SLC41A2: variants seen among roughly 807,000 people sequenced by gnomAD.
The protein encoded by SLC41A2 is SLC41A1-like 1.
A neutral mutation model predicts 58.3 loss-of-function variants in SLC41A2; 32 were observed. The observed-to-expected ratio is 0.55, with a 90% CI of 0.41 to 0.74. The LOEUF (loss-of-function observed/expected upper bound fraction) is 0.74. Ranked by LOEUF, SLC41A2 falls within the 30% of genes least tolerant of loss-of-function variation. The pLI is 0.00. For missense variants in SLC41A2, 514 were observed against 680.6 expected, an observed-to-expected ratio of 0.76 and a Z score of 2.72; for synonymous variants, 190 against 235.0, an observed-to-expected ratio of 0.81 and a Z score of 1.75.
At chr12:104,857,350 T>C (rs1010523486) in intron 8 of SLC41A2, among the ~76,000 whole-genome samples, 23 of 152,148 alleles carry the variant, frequency 1.5e-4, no homozygotes, top group African/African-American at 5.6e-4. Context: ...ATAAAGGCTT[T>C]AAGAAATCCC....
intron 10 of SLC41A2, among the ~76,000 whole-genome samples, chr12:104,821,072 A>C (rs1334256626): frequency 1.3e-5 from 2 of 152,180 alleles, no homozygotes; most frequent in Non-Finnish European, 2.9e-5. Context: ...CAATGTGTAC[A>C]GTTTCTGTGA....
chr12:104,882,198 A>G (rs1242106915), intron 6 of SLC41A2, among the ~76,000 whole-genome samples: 1 of 150,958 alleles, frequency 6.6e-6, no homozygotes, highest in Non-Finnish European at 1.5e-5. Context: ...CTTTATTTTG[A>G]GCCTATGCAT....
At chr12:104,957,687 A>C (rs77031702) in intron 1 of SLC41A2, among the ~76,000 whole-genome samples, 6,199 of 152,324 alleles carry the variant, frequency 0.041, 177 homozygotes, top group East Asian at 0.11. Flanking sequence ...ATGAAAGAAA[A>C]GGGTGACGGG....
At position 104,861,472 on chromosome 12, in the gene SLC41A2, A is replaced by G. The variant is rs935612890; in HGVS notation, c.1176-102T>C. 11 of 600,776 alleles carry G rather than the reference A, an allele frequency of 1.8e-5. No individual in the cohort carries two copies. In the Admixed American group the frequency reaches 3.5e-4, roughly 19 times the overall value. The allele number at this position is 600,776 out of a possible 1,614,324, so 37.2% of individuals were successfully genotyped here. A position where few individuals can be genotyped will look rare whatever the true frequency, so the allele number is the denominator to read the frequency against. On this transcript the variant is annotated intron_variant, in intron 7 of 10. Coordinates refer to ENST00000258538, the MANE Select transcript of SLC41A2 (RefSeq NM_001352171.3). ...CCCTCCTTTTTAAAATAAAATATTC[A>G]CACATTTTAAAAATAGAGCAAAAAT...
intron 6 of SLC41A2, among the ~76,000 whole-genome samples, chr12:104,882,304 T>C (rs554141883): frequency 2.2e-4 from 33 of 152,314 alleles, no homozygotes; most frequent in Non-Finnish European, 4.6e-4. Flanking sequence ...ATTGGGGCAT[T>C]TAGTCCATTT....
chr12:104,906,465 G>A (rs1028161005), intron 3 of SLC41A2, among the ~76,000 whole-genome samples: 2 of 152,114 alleles, frequency 1.3e-5, no homozygotes, highest in African/African-American at 4.8e-5. Context: ...GGGAATTGGG[G>A]CAGGCCTCAG....
At chr12:104,906,916 C>T (rs994007016) in intron 3 of SLC41A2, among the ~76,000 whole-genome samples, 10 of 152,090 alleles carry the variant, frequency 6.6e-5, no homozygotes, top group African/African-American at 2.4e-4. Flanking sequence ...TTACATATAC[C>T]TCCTCAGAGA....
At chr12:104,948,428 C>T (rs2047817610) in intron 1 of SLC41A2, among the ~76,000 whole-genome samples, 1 of 152,052 alleles carries the variant, frequency 6.6e-6, no homozygotes, top group South Asian at 2.1e-4. Flanking sequence ...GGAGATCACC[C>T]ATTCTATCTA....
At chr12:104,837,743 T>C (rs2642119) in intron 10 of SLC41A2, among the ~76,000 whole-genome samples, 74,377 of 151,826 alleles carry the variant, frequency 0.49, 19,029 homozygotes, top group Middle Eastern at 0.57. Context: ...AAGAAAAAAA[T>C]GAGGCCCGTG....
intron 6 of SLC41A2, among the ~76,000 whole-genome samples, chr12:104,885,858 T>C (rs2044632281): frequency 6.6e-6 from 1 of 152,112 alleles, no homozygotes; most frequent in African/African-American, 2.4e-5. Context: ...AACATTCCAT[T>C]GGTAAATTTT....
intron 6 of SLC41A2, among the ~76,000 whole-genome samples, chr12:104,883,847 G>C (rs2044513420): frequency 6.6e-6 from 1 of 152,230 alleles, no homozygotes; most frequent in African/African-American, 2.4e-5. Flanking sequence ...CAAACTCCGT[G>C]CTGGGAGAAC....
Position 104,822,109 on chromosome 12 carries a change from T to C in SLC41A2, c.1537-16772A>G, listed in dbSNP as rs545882900. Among the ~76,000 whole-genome samples, 4 of 152,334 alleles carry C rather than the reference T, an allele frequency of 2.6e-5. No individual in the cohort carries two copies. The East Asian group carries it at 5.8e-4, about 22-fold the overall frequency. On this transcript the variant is annotated intron_variant, in intron 10 of 10. Coordinates refer to ENST00000258538, the MANE Select transcript of SLC41A2 (RefSeq NM_001352171.3). ...AGGAAATATTCAAACTAAAGTTGTTTCTTGGTTTCTAACAAGAAGAAGGAA... is the reference window on the plus strand; with the variant it reads ...AGGAAATATTCAAACTAAAGTTGTTCCTTGGTTTCTAACAAGAAGAAGGAA...
At chr12:104,841,133 C>T (rs2042394080) in intron 10 of SLC41A2, among the ~76,000 whole-genome samples, 1 of 152,248 alleles carries the variant, frequency 6.6e-6, no homozygotes. Flanking sequence ...AGTTTTACCC[C>T]TCCACTTCCA....
intron 1 of SLC41A2, among the ~76,000 whole-genome samples, chr12:104,946,677 A>G (rs2047730631): frequency 6.6e-6 from 1 of 152,200 alleles, no homozygotes; most frequent in South Asian, 2.1e-4. Context: ...AACTGTACAA[A>G]TTTTACTGAG....
chr12:104,928,619 T>A lies in SLC41A2; in HGVS notation c.-92A>T. ...GAACCGCACAAACACTGGTTTAAAT[T>A]AAGTTGTTGACTTCATTGTGTAGAA... is the stretch of plus-strand genomic sequence containing the variant. On this transcript the variant is annotated 5_prime_UTR_variant, in exon 2 of 11. The change abolishes the stop of an existing upstream ORF in the 5' untranslated region. Coordinates refer to ENST00000258538, the MANE Select transcript of SLC41A2 (RefSeq NM_001352171.3). 1.5e-6 allele frequency: 1 copy of A among 685,556 alleles called. No homozygotes were observed. Among genetic ancestry groups the A allele is most frequent in the Non-Finnish European group, 2.2e-6 (1 of 462,068 alleles). The allele number at this position is 685,556 out of a possible 1,614,324, so 42.5% of individuals were successfully genotyped here. A position where few individuals can be genotyped will look rare whatever the true frequency, so the allele number is the denominator to read the frequency against.
intron 7 of SLC41A2, 35 bp downstream of exon 7, chr12:104,866,396 AC>A (rs1296090318): frequency 6.3e-6 from 10 of 1,577,886 alleles, no homozygotes; most frequent in Non-Finnish European, 8.6e-6. Flanking sequence ...ACACACACAC[AC>A]ACACACACAC....
intron 2 of SLC41A2, among the ~76,000 whole-genome samples, chr12:104,920,623 T>G (rs1389147745): frequency 6.6e-6 from 1 of 151,942 alleles, no homozygotes; most frequent in Admixed American, 6.6e-5. Flanking sequence ...ACAAAATTTT[T>G]TTTAAATTAG....
intron 8 of SLC41A2, among the ~76,000 whole-genome samples, chr12:104,846,727 C>T (rs966640290): frequency 6.6e-6 from 1 of 152,142 alleles, no homozygotes. Flanking sequence ...GGCATACAGC[C>T]CTCCACGCTT....
At chr12:104,901,849 C>A (rs2045580929) in intron 3 of SLC41A2, among the ~76,000 whole-genome samples, 1 of 152,120 alleles carries the variant, frequency 6.6e-6, no homozygotes, top group Non-Finnish European at 1.5e-5. Flanking sequence ...AAACAAATGA[C>A]CTTCCACAGA....
Sources: gnomAD v4.1 joint callset for allele counts (sites outside exome capture counted in the v4.1 genomes callset) on GRCh38, gnomAD v4.1.1 for gene constraint, MANE v1.5 for transcripts, NCBI Gene and HGNC (gene_info 2026-07-23, HGNC 2026-07-21) for gene names.